Variants in FOXP1 observed in about 807,000 individuals in gnomAD.
FOXP1 encodes the protein forkhead box P1, also known as forkhead box protein P1.
FOXP1 carries 15 observed loss-of-function variants against 98.2 expected under a neutral mutation model. That is an observed-to-expected ratio of 0.15 (90% CI 0.10 to 0.24). The LOEUF (loss-of-function observed/expected upper bound fraction) is 0.24, where lower values mean the gene tolerates loss of function less well. FOXP1 is among the 10% of genes least tolerant of loss of function. The pLI is 1.00. For synonymous variants in FOXP1, 371 were observed against 314.5 expected (o/e 1.18, Z -1.90); for missense variants, 633 against 848.5 (o/e 0.75, Z 3.15).
chr3:71,056,089 G>T (rs2050596808), intron 7 of FOXP1, among the ~76,000 whole-genome samples: 1 of 152,186 alleles, frequency 6.6e-6, no homozygotes, highest in Non-Finnish European at 1.5e-5. Flanking sequence ...CTCGAGTGAG[G>T]TGGTGCTCAC....
intron 14 of FOXP1, among the ~76,000 whole-genome samples, chr3:70,984,057 T>A (rs1575865526): frequency 6.6e-6 from 1 of 152,322 alleles, no homozygotes; most frequent in East Asian, 1.9e-4. Flanking sequence ...TTTCTTTCCA[T>A]AGAAAAGAAT....
At chr3:71,296,520 T>A (rs1008808845) in intron 5 of FOXP1, 1 of 152,186 alleles carries the variant, frequency 6.6e-6, no homozygotes, top group Non-Finnish European at 1.5e-5. Flanking sequence ...AAAAATTACA[T>A]TTATTACTTA....
intron 5 of FOXP1, among the ~76,000 whole-genome samples, chr3:71,277,168 CAGGATCATCTCGATCTCCT>C (rs1403229004): frequency 1.3e-5 from 2 of 151,794 alleles, no homozygotes; most frequent in Non-Finnish European, 2.9e-5. Flanking sequence ...CCATGTTAGC[CAGGATCATCTCGATCTCCT>C]GACCTCGTGA....
intron 5 of FOXP1, among the ~76,000 whole-genome samples, chr3:71,275,844 T>C (rs142847047): frequency 1.3e-4 from 20 of 152,332 alleles, no homozygotes; most frequent in African/African-American, 4.8e-4. Context: ...CTTCGTTTTT[T>C]TGTTTTGTTT....
chr3:71,018,687 G>C (rs2044899699), intron 11 of FOXP1, among the ~76,000 whole-genome samples: 1 of 152,212 alleles, frequency 6.6e-6, no homozygotes, highest in South Asian at 2.1e-4. Context: ...CAAGCTGGCA[G>C]AGGTGCCTCG....
At chr3:71,507,061 G>A (rs781212863) in intron 2 of FOXP1, among the ~76,000 whole-genome samples, 5 of 152,126 alleles carry the variant, frequency 3.3e-5, no homozygotes, top group Non-Finnish European at 5.9e-5. Flanking sequence ...AGTGTCCCCG[G>A]CTGCTCTCTC....
intron 3 of FOXP1, among the ~76,000 whole-genome samples, chr3:71,379,572 G>A (rs967060158): frequency 1.3e-5 from 2 of 151,176 alleles, no homozygotes; most frequent in African/African-American, 4.9e-5. Flanking sequence ...CAGCCCACGA[G>A]CTAAGAATGA....
chr3:71,278,672 G>A (rs1403524695), intron 5 of FOXP1, among the ~76,000 whole-genome samples: 3 of 152,012 alleles, frequency 2.0e-5, no homozygotes, highest in Non-Finnish European at 2.9e-5. Context: ...TCACAGCTAT[G>A]CAGGAGGCTG....
In FOXP1 at chr3:71,525,164, T is replaced by C. The variant is rs565155939; in HGVS notation, c.-297-31609A>G. Reference sequence around the variant, plus strand: ...TTATCTAAATGAATTTTCATGAAAGTGCGCCACACAGCTCAGGAATTTTTA... The same window carrying C: ...TTATCTAAATGAATTTTCATGAAAGCGCGCCACACAGCTCAGGAATTTTTA... On this transcript the variant is annotated intron_variant, in intron 2 of 20. Coordinates refer to ENST00000649528, the MANE Select transcript of FOXP1 (RefSeq NM_001349338.3). Among the ~76,000 whole-genome samples the C allele has an allele frequency of 3.9e-5, 6 of 152,296 alleles. 1 individual carries two copies. Among genetic ancestry groups the C allele is most frequent in the African/African-American group, 1.4e-4 (6 of 41,562 alleles).
chr3:70,961,510 C>A (rs973531832), intron 20 of FOXP1, among the ~76,000 whole-genome samples: 5 of 152,100 alleles, frequency 3.3e-5, no homozygotes, highest in Admixed American at 2.0e-4. Context: ...GGATTACAGG[C>A]GTGAGACACC....
rs558910639 is a variant in FOXP1, at chr3:71,553,585, T to TA, written c.-298+27963dup. On this transcript the variant is annotated intron_variant, in intron 2 of 20. Transcript: ENST00000649528. Reference sequence around the variant, plus strand: ...ATTGTCCTGTTTGCAATCTTTTTTTTACCAACAACTGAAATTTGCTAACAG... The same window carrying TA: ...ATTGTCCTGTTTGCAATCTTTTTTTTAACCAACAACTGAAATTTGCTAACAG... 1.4e-4 allele frequency among the ~76,000 whole-genome samples: 21 copies of TA among 152,338 alleles called. No homozygotes were observed. The East Asian group carries it at 3.9e-3, about 28-fold the overall frequency.
intron 14 of FOXP1, among the ~76,000 whole-genome samples, chr3:70,981,609 G>C (rs1405091442): frequency 6.6e-6 from 1 of 152,232 alleles, no homozygotes; most frequent in Non-Finnish European, 1.5e-5. Flanking sequence ...AGGGGAGGCA[G>C]TAATATTTGT....
At chr3:71,479,763 G>T (rs1181520230) in intron 3 of FOXP1, among the ~76,000 whole-genome samples, 1 of 151,246 alleles carries the variant, frequency 6.6e-6, no homozygotes, top group Non-Finnish European at 1.5e-5. Context: ...TGGGTAGACA[G>T]AACAGAAAAA....
chr3:71,274,455 G>A (rs1425996125), intron 5 of FOXP1, among the ~76,000 whole-genome samples: 1 of 152,130 alleles, frequency 6.6e-6, no homozygotes, highest in Non-Finnish European at 1.5e-5. Context: ...GTCACCACCA[G>A]GAAAGGGGTC....
chr3:71,361,556 A>G (rs899612694), intron 3 of FOXP1, among the ~76,000 whole-genome samples: 32 of 152,238 alleles, frequency 2.1e-4, no homozygotes, highest in Non-Finnish European at 8.8e-5. Context: ...TGGCAAACAC[A>G]GTTTCCAAGG....
chr3:71,514,975 A>G (rs1287998134), intron 2 of FOXP1, among the ~76,000 whole-genome samples: 2 of 152,224 alleles, frequency 1.3e-5, no homozygotes, highest in African/African-American at 4.8e-5. Flanking sequence ...TTAGACTCAC[A>G]GCAGGCAACT....
intron 2 of FOXP1, among the ~76,000 whole-genome samples, chr3:71,523,931 T>G (rs1431236734): frequency 6.6e-6 from 1 of 152,148 alleles, no homozygotes; most frequent in Non-Finnish European, 1.5e-5. Context: ...TTGGATTACT[T>G]GACTCATCAC....
At chr3:71,458,281 A>C (rs2087693440) in intron 3 of FOXP1, among the ~76,000 whole-genome samples, 1 of 152,218 alleles carries the variant, frequency 6.6e-6, no homozygotes, top group South Asian at 2.1e-4. Context: ...ATGCAATGCA[A>C]ATCTCAAAAA....
intron 6 of FOXP1, among the ~76,000 whole-genome samples, chr3:71,118,879 G>A (rs2058564202): frequency 6.6e-6 from 1 of 152,110 alleles, no homozygotes; most frequent in Admixed American, 6.6e-5. Context: ...CTACTTTTGT[G>A]CTACAAACGG....
Sources: gnomAD v4.1 joint callset for allele counts (sites outside exome capture counted in the v4.1 genomes callset) on GRCh38, gnomAD v4.1.1 for gene constraint, MANE v1.5 for transcripts, NCBI Gene and HGNC (gene_info 2026-07-23, HGNC 2026-07-21) for gene names.